The following CRPPA variants were observed in gnomAD, a reference collection of about 807,000 sequenced individuals.
CRPPA encodes the protein CDP-L-ribitol pyrophosphorylase A.
Under a neutral mutation model 52.0 loss-of-function variants are expected in CRPPA, and 43 were observed. That is an observed-to-expected ratio of 0.83 (90% CI 0.65 to 1.07). CRPPA has a LOEUF of 1.07. Ranked by LOEUF, CRPPA falls within the 50% of genes least tolerant of loss-of-function variation. The pLI, the probability that CRPPA is intolerant of heterozygous loss-of-function variation, is 0.00. For synonymous variants in CRPPA, 250 were observed against 203.5 expected, an observed-to-expected ratio of 1.23 and a Z score of -1.94; for missense variants, 629 against 551.7, an observed-to-expected ratio of 1.14 and a Z score of -1.40.
At chr7:16,211,798 A>T (rs1782151373) in intron 9 of CRPPA, among the ~76,000 whole-genome samples, 1 of 152,174 alleles carries the variant, frequency 6.6e-6, no homozygotes, top group Admixed American at 6.5e-5. Context: ...GACCTAAGGT[A>T]ATTACAAGGA....
At chr7:16,217,650 G>A (rs1273218201) in intron 8 of CRPPA, among the ~76,000 whole-genome samples, 1 of 146,376 alleles carries the variant, frequency 6.8e-6, no homozygotes, top group African/African-American at 2.5e-5. Context: ...GAATGCAGAA[G>A]CCTCAGGAGC....
At chr7:16,224,404 C>A (rs1049619952) in intron 8 of CRPPA, among the ~76,000 whole-genome samples, 5 of 152,002 alleles carry the variant, frequency 3.3e-5, no homozygotes, top group Admixed American at 2.0e-4. Flanking sequence ...TCTATGTTCA[C>A]AATAAAAGGC....
chr7:16,306,900 C>A (rs778952856), intron 4 of CRPPA, among the ~76,000 whole-genome samples: 1 of 152,110 alleles, frequency 6.6e-6, no homozygotes, highest in Non-Finnish European at 1.5e-5. Flanking sequence ...CATAAAATTT[C>A]TTTACCGCAT....
chr7:16,408,947 G>C (rs566562819), intron 1 of CRPPA, among the ~76,000 whole-genome samples: 9 of 152,290 alleles, frequency 5.9e-5, no homozygotes, highest in Admixed American at 2.0e-4. Context: ...TGTCACCCAG[G>C]CTGGAGTGCA....
chr7:16,092,210 A>G (rs1052099831), intron 9 of CRPPA, among the ~76,000 whole-genome samples: 1 of 151,932 alleles, frequency 6.6e-6, no homozygotes, highest in Non-Finnish European at 1.5e-5. Flanking sequence ...TATAGGGGGG[A>G]AAACCCTGCT....
chr7:16,270,488 A>T (rs1454868329), intron 6 of CRPPA: 2 of 152,182 alleles, frequency 1.3e-5, no homozygotes, highest in South Asian at 4.1e-4. Context: ...TACAACATCA[A>T]TATAATTCAT....
intron 9 of CRPPA, among the ~76,000 whole-genome samples, chr7:16,161,580 G>C (rs764848332): frequency 1.5e-4 from 23 of 152,164 alleles, no homozygotes; most frequent in Non-Finnish European, 2.6e-4. Context: ...GCTGGATTCT[G>C]TTTGCCAGTA....
At chr7:16,353,375 CA>C (rs1562649184) in intron 3 of CRPPA, among the ~76,000 whole-genome samples, 1 of 151,652 alleles carries the variant, frequency 6.6e-6, no homozygotes, top group Non-Finnish European at 1.5e-5. Context: ...AAAATAAAAA[CA>C]AAAGTCAAAT....
At chr7:16,204,532 T>C (rs976520294) in intron 9 of CRPPA, among the ~76,000 whole-genome samples, 1 of 152,072 alleles carries the variant, frequency 6.6e-6, no homozygotes, top group African/African-American at 2.4e-5. Flanking sequence ...ATGTACACTA[T>C]TCAGATGGTA....
chr7:16,258,066 T>C (rs940708802), intron 8 of CRPPA, among the ~76,000 whole-genome samples: 5 of 152,138 alleles, frequency 3.3e-5, no homozygotes, highest in African/African-American at 9.7e-5. Flanking sequence ...TCTGATAATA[T>C]ATTAAATAAA....
intron 3 of CRPPA, among the ~76,000 whole-genome samples, chr7:16,331,688 A>C (rs1785555848): frequency 6.6e-6 from 1 of 152,198 alleles, no homozygotes; most frequent in African/African-American, 2.4e-5. Flanking sequence ...GCTAGAGATC[A>C]AAAACACTAA....
chr7:16,100,771 T>C (rs915993053), intron 9 of CRPPA, among the ~76,000 whole-genome samples: 3 of 152,216 alleles, frequency 2.0e-5, no homozygotes, highest in Non-Finnish European at 2.9e-5. Context: ...CCATTCAGTA[T>C]GATATTGGCT....
intron 2 of CRPPA, among the ~76,000 whole-genome samples, chr7:16,400,124 G>T (rs1222127086): frequency 6.6e-6 from 1 of 151,964 alleles, no homozygotes; most frequent in African/African-American, 2.4e-5. Flanking sequence ...TGACCAACAC[G>T]TGACCAACAT....
intron 9 of CRPPA, among the ~76,000 whole-genome samples, chr7:16,095,927 G>A (rs1781926948): frequency 6.6e-6 from 1 of 152,170 alleles, no homozygotes; most frequent in African/African-American, 2.4e-5. Flanking sequence ...CTGGAAAGTT[G>A]GAGAGCTGAG....
chr7:16,303,395 G>A (rs1784830008), intron 4 of CRPPA, among the ~76,000 whole-genome samples: 1 of 147,220 alleles, frequency 6.8e-6, no homozygotes. Context: ...CATAGGCACG[G>A]TAAGGTAATA....
rs544388603 is a variant in CRPPA at position 16,088,975 on chromosome 7, T to A, written c.*2720A>T. 9.4e-6 allele frequency: 2 copies of A among 212,136 alleles called. No homozygotes were observed. Among genetic ancestry groups the A allele is most frequent in the East Asian group, 1.8e-4 (2 of 10,900 alleles). The allele number at this position is 212,136 out of a possible 1,614,324, so 13.1% of individuals were successfully genotyped here. Reference sequence around the variant, plus strand: ...CAGATGTCTTTGCCAGGGGTCATTGTTAGACAGGAATATAAGCTTAACACT... The same window carrying A: ...CAGATGTCTTTGCCAGGGGTCATTGATAGACAGGAATATAAGCTTAACACT... On this transcript the variant is annotated 3_prime_UTR_variant, in exon 10 of 10. Transcript: ENST00000407010.
In CRPPA at chr7:16,363,675, G is replaced by C. The variant is rs926100316; in HGVS notation, c.684+12417C>G. On this transcript the variant is annotated intron_variant, in intron 3 of 9. Transcript: ENST00000407010. ...CTTAAGAAATGAAACAGTCTCTTTA[G>C]TGATGGAATCTAGAAAAACATACCC... is the stretch of plus-strand genomic sequence containing the variant. 4.6e-5 allele frequency among the ~76,000 whole-genome samples: 7 copies of C among 152,198 alleles called. No individual in the cohort carries two copies. The South Asian group carries it at 1.5e-3, about 32-fold the overall frequency.
Position 16,089,853 on chromosome 7 carries a change from G to T in CRPPA, c.*1842C>A. On this transcript the variant is annotated 3_prime_UTR_variant, in exon 10 of 10. Transcript: ENST00000407010. Reference sequence around the variant, plus strand: ...ACTCAGCCAGCACTCCAGCGATCAGGGTGATTTTGCTGTGCCACAAATATG... The same window carrying T: ...ACTCAGCCAGCACTCCAGCGATCAGTGTGATTTTGCTGTGCCACAAATATG... The T allele has an allele frequency of 6.1e-6, 1 of 162,852 alleles. No individual in the cohort carries two copies. The highest frequency in any genetic ancestry group is 1.4e-5 in the Non-Finnish European group (1 of 73,482). The allele number at this position is 162,852 out of a possible 1,614,324, so 10.1% of individuals were successfully genotyped here.
At chr7:16,383,394 C>G (rs925746078) in intron 2 of CRPPA, among the ~76,000 whole-genome samples, 1 of 152,190 alleles carries the variant, frequency 6.6e-6, no homozygotes, top group African/African-American at 2.4e-5. Flanking sequence ...AGGTGTCAGA[C>G]TGCCCCTACT....
Sources: allele counts gnomAD v4.1 joint callset (sites outside exome capture counted in the v4.1 genomes callset), GRCh38; gene constraint gnomAD v4.1.1; transcripts MANE v1.5; gene names NCBI Gene and HGNC (gene_info 2026-07-23, HGNC 2026-07-21).